The following ANK3 variants were observed in gnomAD, a reference collection of about 807,000 sequenced individuals.
The protein encoded by ANK3 is ankyrin-3.
Under a neutral mutation model 370.9 loss-of-function variants are expected in ANK3, and 57 were observed. The observed-to-expected ratio is 0.15, with a 90% CI of 0.12 to 0.19. The LOEUF (loss-of-function observed/expected upper bound fraction) is 0.19, where lower values mean the gene tolerates loss of function less well. ANK3 is among the 10% of genes least tolerant of loss of function. The probability of loss-of-function intolerance (pLI) is 1.00; values close to 1 mark genes in which losing one functional copy is unlikely to be tolerated. For synonymous variants in ANK3, 1,929 were observed against 1,946.3 expected (o/e 0.99, Z 0.23); for missense variants, 4,439 against 5,302.1 (o/e 0.84, Z 5.06).
intron 28 of ANK3, among the ~76,000 whole-genome samples, chr10:60,104,319 C>T (rs1441765280): frequency 3.0e-4 from 36 of 118,962 alleles, no homozygotes; most frequent in Admixed American, 8.3e-4. Flanking sequence ...GATTGTGCCA[C>T]GGCACTCCAG....
At chr10:60,166,154 C>G (rs1022702100) in intron 23 of ANK3, among the ~76,000 whole-genome samples, 2 of 151,622 alleles carry the variant, frequency 1.3e-5, no homozygotes, top group Non-Finnish European at 2.9e-5. Context: ...TCAAAAGCTG[C>G]TTTTTCTACA....
intron 15 of ANK3, 32 bp from the exon 16 acceptor site, chr10:60,196,275 T>C: frequency 6.3e-7 from 1 of 1,584,388 alleles, no homozygotes; most frequent in Non-Finnish European, 8.7e-7. Context: ...ACAACCAGTG[T>C]CAAAGGTGTC....
At chr10:60,119,095 A>C (rs1039087854) in intron 25 of ANK3, among the ~76,000 whole-genome samples, 3 of 152,244 alleles carry the variant, frequency 2.0e-5, no homozygotes, top group African/African-American at 7.2e-5. Context: ...GTAACACTTA[A>C]ACATGTTTTT....
At chr10:60,530,712 C>A (rs981461774) in intron 2 of ANK3, among the ~76,000 whole-genome samples, 1 of 152,256 alleles carries the variant, frequency 6.6e-6, no homozygotes, top group Non-Finnish European at 1.5e-5. Context: ...AACGCACACA[C>A]AGGGTTTTGG....
At chr10:60,090,826 G>A (rs1163668996) in intron 28 of ANK3, among the ~76,000 whole-genome samples, 1 of 152,170 alleles carries the variant, frequency 6.6e-6, no homozygotes, top group Non-Finnish European at 1.5e-5. Flanking sequence ...GGGTGTGAAT[G>A]GCAATAATTT....
At chr10:60,189,397 A>C (rs550926585) in intron 16 of ANK3, among the ~76,000 whole-genome samples, 1 of 152,234 alleles carries the variant, frequency 6.6e-6, no homozygotes, top group Non-Finnish European at 1.5e-5. Context: ...AGACAGAGAC[A>C]GACTCAGCTC....
intron 39 of ANK3, 40 bp downstream of exon 39, chr10:60,064,116 TA>T: frequency 6.6e-7 from 1 of 1,514,520 alleles, no homozygotes; most frequent in African/African-American, 1.4e-5. Context: ...ATATTACATT[TA>T]TGCAGTTTTG....
intron 6 of ANK3, among the ~76,000 whole-genome samples, 173 bp from the exon 7 acceptor site, chr10:60,262,130 C>A (rs1355146220): frequency 6.6e-6 from 1 of 152,166 alleles, no homozygotes; most frequent in Non-Finnish European, 1.5e-5. Context: ...TTCTAATAAA[C>A]CCCAAACTTA....
chr10:60,628,548 T>C (rs963580600), intron 1 of ANK3, among the ~76,000 whole-genome samples: 13 of 152,324 alleles, frequency 8.5e-5, no homozygotes, highest in African/African-American at 2.9e-4. Flanking sequence ...TAGCTTTACA[T>C]GTCCCACGGG....
chr10:60,323,804 A>G (rs1593748607), intron 1 of ANK3, among the ~76,000 whole-genome samples: 1 of 152,264 alleles, frequency 6.6e-6, no homozygotes, highest in East Asian at 1.9e-4. Flanking sequence ...GTGTCCTAGA[A>G]GTGAAGTGAA....
intron 28 of ANK3, among the ~76,000 whole-genome samples, chr10:60,100,646 G>C (rs891207340): frequency 2.0e-5 from 3 of 152,086 alleles, no homozygotes; most frequent in Non-Finnish European, 2.9e-5. Flanking sequence ...TCATTTGAAA[G>C]TTCAGCAATG....
chr10:60,587,376 A>G (rs2077847086), intron 2 of ANK3, among the ~76,000 whole-genome samples: 1 of 152,222 alleles, frequency 6.6e-6, no homozygotes, highest in Non-Finnish European at 1.5e-5. Context: ...GGCTACTTTC[A>G]TTAGAGTTTC....
intron 2 of ANK3, among the ~76,000 whole-genome samples, chr10:60,445,398 A>G (rs1291546737): frequency 6.6e-6 from 1 of 152,164 alleles, no homozygotes; most frequent in Non-Finnish European, 1.5e-5. Context: ...CCAAAAAACA[A>G]ACAAGCAAGC....
At chr10:60,357,816 A>G (rs2058002032) in intron 1 of ANK3, among the ~76,000 whole-genome samples, 1 of 152,022 alleles carries the variant, frequency 6.6e-6, no homozygotes, top group Admixed American at 6.5e-5. Flanking sequence ...GTACTACTTC[A>G]TCTCTGACTG....
At chr10:60,633,517 C>A (rs1005311045) in intron 1 of ANK3, among the ~76,000 whole-genome samples, 1 of 151,864 alleles carries the variant, frequency 6.6e-6, no homozygotes, top group African/African-American at 2.4e-5. Context: ...AGCATGTAAA[C>A]CCTATGCAAT....
chr10:60,399,900 A>G lies in ANK3; in HGVS notation c.97-120261T>C, dbSNP rs532747036. On this transcript the variant is annotated intron_variant, in intron 2 of 43. Transcript: ENST00000373827. ...TTAATTTGGGTTACAGAAAGTTTCAATATCCCTGGGCATTACCGAGTGTCC... is the reference window on the plus strand; with the variant it reads ...TTAATTTGGGTTACAGAAAGTTTCAGTATCCCTGGGCATTACCGAGTGTCC... Among the ~76,000 whole-genome samples, 10 of 152,340 alleles carry G rather than the reference A, an allele frequency of 6.6e-5. No individual in the cohort carries two copies. In the South Asian group the frequency reaches 1.7e-3, roughly 25 times the overall value.
intron 1 of ANK3, among the ~76,000 whole-genome samples, chr10:60,286,578 G>T (rs1436400155): frequency 6.6e-6 from 1 of 152,102 alleles, no homozygotes; most frequent in African/African-American, 2.4e-5. Flanking sequence ...GTGCATAAGG[G>T]CAAGAGTTTT....
At chr10:60,079,452 A>G (rs1218402228) in intron 36 of ANK3, among the ~76,000 whole-genome samples, 1 of 152,164 alleles carries the variant, frequency 6.6e-6, no homozygotes, top group East Asian at 1.9e-4. Context: ...ATCTCAACTA[A>G]GTGGTGCAGT....
At chr10:60,134,151 G>T in intron 25 of ANK3, 120 bp downstream of exon 25, 1 of 811,960 alleles carries the variant, frequency 1.2e-6, no homozygotes. Flanking sequence ...AGTACCAGAA[G>T]ATTTACAAAT....
Sources: allele counts gnomAD v4.1 joint callset (sites outside exome capture counted in the v4.1 genomes callset), GRCh38; gene constraint gnomAD v4.1.1; transcripts MANE v1.5; gene names NCBI Gene and HGNC (gene_info 2026-07-23, HGNC 2026-07-21).